ZSWIM5: variants seen among roughly 807,000 people sequenced by gnomAD.
The protein encoded by ZSWIM5 is zinc finger SWIM domain-containing protein 5.
In ZSWIM5, 55 loss-of-function variants were observed where a neutral mutation model predicts 119.6. The observed-to-expected ratio is 0.46, with a 90% CI of 0.37 to 0.58. The LOEUF (loss-of-function observed/expected upper bound fraction) is 0.58, where lower values mean the gene tolerates loss of function less well. Ranked by LOEUF, ZSWIM5 falls within the 20% of genes least tolerant of loss-of-function variation. The pLI, the probability that ZSWIM5 is intolerant of heterozygous loss-of-function variation, is 0.00. For synonymous variants in ZSWIM5, 537 were observed against 606.9 expected (o/e 0.88, Z 1.69); for missense variants, 1,193 against 1,512.8 (o/e 0.79, Z 3.51).
chr1:45,138,505 CAAAAAAAAAA>C (rs759005534), intron 1 of ZSWIM5, among the ~76,000 whole-genome samples: 1 of 54,932 alleles, frequency 1.8e-5, no homozygotes, highest in Non-Finnish European at 3.9e-5. Context: ...AACTCCATCT[CAAAAAAAAAA>C]AAAAAAAAAG....
rs539998868 is a variant in ZSWIM5 at position 45,109,868 on chromosome 1, T to TTTTTCC, written c.596-21637_596-21632dup. On this transcript the variant is annotated intron_variant, in intron 1 of 13. Coordinates refer to ENST00000359600, the MANE Select transcript of ZSWIM5 (RefSeq NM_020883.2). ...GAATTCTCACGCTCTATGTACTATA[T>TTTTTCC]TTTTCCTTTTTTTTTAGGCAAGGTC... 1.1e-3 allele frequency among the ~76,000 whole-genome samples: 173 copies of TTTTTCC among 152,274 alleles called. 2 individuals are homozygous for TTTTTCC. In the East Asian group the frequency reaches 0.027, roughly 24 times the overall value.
chr1:45,147,171 C>T (rs1323141793), intron 1 of ZSWIM5, among the ~76,000 whole-genome samples: 1 of 151,700 alleles, frequency 6.6e-6, no homozygotes, highest in East Asian at 1.9e-4. Context: ...GCCTCTCAGG[C>T]TCAGGAGAAC....
chr1:45,035,670 T>C lies in ZSWIM5; in HGVS notation c.2291+18A>G. On this transcript the variant is annotated intron_variant, in intron 10 of 13. Coordinates refer to ENST00000359600, the MANE Select transcript of ZSWIM5 (RefSeq NM_020883.2). ...TCTGCTTTGGTGGAGGCAATTGGACTGGGAAAGGGCTACCCACCTCATGGC... is the reference window on the plus strand; with the variant it reads ...TCTGCTTTGGTGGAGGCAATTGGACCGGGAAAGGGCTACCCACCTCATGGC... 1 of 1,610,848 alleles carries C rather than the reference T, an allele frequency of 6.2e-7. No individual in the cohort carries two copies. The highest frequency in any genetic ancestry group is 1.3e-5 in the African/African-American group (1 of 74,894).
chr1:45,044,655 C>T (rs868490673), intron 5 of ZSWIM5, among the ~76,000 whole-genome samples: 12 of 114,746 alleles, frequency 1.0e-4, no homozygotes, highest in African/African-American at 1.7e-4. Flanking sequence ...ACCCGGAAGG[C>T]GGAGCTTGCA....
intron 1 of ZSWIM5, among the ~76,000 whole-genome samples, chr1:45,189,127 C>G (rs1343305650): frequency 1.3e-5 from 2 of 152,086 alleles, no homozygotes; most frequent in African/African-American, 4.8e-5. Flanking sequence ...CCAGCCTGAC[C>G]AACATGGAAA....
chr1:45,145,210 C>T (rs760721533), intron 1 of ZSWIM5, among the ~76,000 whole-genome samples: 1 of 152,038 alleles, frequency 6.6e-6, no homozygotes, highest in Non-Finnish European at 1.5e-5. Context: ...GCTTTGCTGG[C>T]GTGAATACAA....
intron 10 of ZSWIM5, among the ~76,000 whole-genome samples, chr1:45,035,309 C>G (rs1278739159): frequency 6.6e-6 from 1 of 152,142 alleles, no homozygotes; most frequent in African/African-American, 2.4e-5. Context: ...TCTCTACTTC[C>G]CCCAGCTTCT....
At chr1:45,148,248 A>G (rs1645774914) in intron 1 of ZSWIM5, among the ~76,000 whole-genome samples, 1 of 152,222 alleles carries the variant, frequency 6.6e-6, no homozygotes, top group South Asian at 2.1e-4. Flanking sequence ...GAGAGGGAAC[A>G]CATTTATTCA....
At chr1:45,094,373 A>AT in intron 1 of ZSWIM5, among the ~76,000 whole-genome samples, 1 of 151,894 alleles carries the variant, frequency 6.6e-6, no homozygotes, top group Non-Finnish European at 1.5e-5. Context: ...ATTTTTTTGC[A>AT]TTTTTTGTAG....
intron 1 of ZSWIM5, among the ~76,000 whole-genome samples, chr1:45,190,258 G>C (rs1646083272): frequency 6.6e-6 from 1 of 152,152 alleles, no homozygotes. Flanking sequence ...CAGGAAGCTG[G>C]AGATTGCAGT....
chr1:45,034,469 C>T lies in ZSWIM5; in HGVS notation c.2292G>A (p.Arg764=). Residue 764 remains arginine, a splice_region_variant and synonymous_variant, in exon 11 of 14, where the codon AGG becomes AGA. Coordinates refer to ENST00000359600, the MANE Select transcript of ZSWIM5 (RefSeq NM_020883.2). ...AAGCTGAGTTTTCTAAAACAGGTAA[C>T]CTGGAAGACCCAGGAAGAATCATCA... ...LSYKLALRAM[R]LPVLENSASA... is the part of the protein sequence containing the mutation. 6.3e-7 allele frequency: 1 copy of T among 1,599,256 alleles called. No homozygotes were observed. Among genetic ancestry groups the T allele is most frequent in the Non-Finnish European group, 8.5e-7 (1 of 1,171,986 alleles).
chr1:45,021,043 T>C (rs1488209844), intron 11 of ZSWIM5, among the ~76,000 whole-genome samples: 9 of 147,840 alleles, frequency 6.1e-5, no homozygotes, highest in Admixed American at 4.7e-4. Context: ...TCAGGATCCT[T>C]TTTTTTTTTG....
At position 45,040,372 on chromosome 1, in the gene ZSWIM5, A is replaced by G; in HGVS notation, c.1756+20T>C. 6.3e-7 allele frequency: 1 copy of G among 1,588,490 alleles called. No individual in the cohort carries two copies. The highest frequency in any genetic ancestry group is 8.6e-7 in the Non-Finnish European group (1 of 1,167,906). On this transcript the variant is annotated intron_variant, in intron 7 of 13. Coordinates refer to ENST00000359600, the MANE Select transcript of ZSWIM5 (RefSeq NM_020883.2). The stretch of plus-strand genomic sequence containing the variant: ...TCAGCTTTGGGCCTAAGGGGGTTAG[A>G]TGGCTCCTAATTACTATACCTTTCT...
At chr1:45,128,764 G>A (rs1645636726) in intron 1 of ZSWIM5, among the ~76,000 whole-genome samples, 1 of 152,080 alleles carries the variant, frequency 6.6e-6, no homozygotes, top group Non-Finnish European at 1.5e-5. Context: ...AATATCCCTA[G>A]TGCTCCACTT....
At chr1:45,061,465 G>A in intron 2 of ZSWIM5, among the ~76,000 whole-genome samples, 1 of 151,580 alleles carries the variant, frequency 6.6e-6, no homozygotes, top group African/African-American at 2.4e-5. Flanking sequence ...CCACCTCCTG[G>A]GTTCAAGTGA....
At position 45,146,432 on chromosome 1, in the gene ZSWIM5, T is replaced by TC. The variant is rs1491396836; in HGVS notation, c.596-58196_596-58195insG. On this transcript the variant is annotated intron_variant, in intron 1 of 13. Transcript: ENST00000359600. ...AAAATACAAGTATCTGTTTCTAGAC[T>TC]TTTTTTTTTTTTTTTTTTTTTTTTT... Among the ~76,000 whole-genome samples, 10 of 60,260 alleles carry TC rather than the reference T, an allele frequency of 1.7e-4. No individual in the cohort carries two copies. In the East Asian group the frequency reaches 3.7e-3, roughly 22 times the overall value. The allele number at this position is 60,260 out of a possible 152,430, so 39.5% of individuals were successfully genotyped here.
chr1:45,159,228 T>C (rs1179281904), intron 1 of ZSWIM5, among the ~76,000 whole-genome samples: 2 of 152,136 alleles, frequency 1.3e-5, no homozygotes, highest in Middle Eastern at 3.2e-3. Context: ...AAGAGCTATA[T>C]TATATAATAT....
At chr1:45,183,917 G>A (rs1646039739) in intron 1 of ZSWIM5, among the ~76,000 whole-genome samples, 1 of 152,158 alleles carries the variant, frequency 6.6e-6, no homozygotes, top group South Asian at 2.1e-4. Context: ...GCATCATCCT[G>A]ATACCAAAGC....
At chr1:45,196,384 C>CT (rs767673983) in intron 1 of ZSWIM5, among the ~76,000 whole-genome samples, 3,289 of 76,346 alleles carry the variant, frequency 0.043, 285 homozygotes, top group East Asian at 0.27. Context: ...CCCACAATTC[C>CT]TTTTTTTTTT....
Sources: allele counts gnomAD v4.1 joint callset (sites outside exome capture counted in the v4.1 genomes callset), GRCh38; gene constraint gnomAD v4.1.1; transcripts MANE v1.5; gene names NCBI Gene and HGNC (gene_info 2026-07-23, HGNC 2026-07-21).